CCDC39: variants seen among roughly 807,000 people sequenced by gnomAD.
The protein encoded by CCDC39 is coiled-coil domain 39 molecular ruler complex subunit, also known as coiled-coil domain-containing protein 39.
Under a neutral mutation model 121.0 loss-of-function variants are expected in CCDC39, and 113 were observed. The observed-to-expected ratio is 0.93, with a 90% CI of 0.80 to 1.09. The LOEUF is 1.09. CCDC39 is among the 50% of genes least tolerant of loss of function. The pLI, the probability that CCDC39 is intolerant of heterozygous loss-of-function variation, is 0.00. For missense variants in CCDC39, 1,063 were observed against 1,074.7 expected, an observed-to-expected ratio of 0.99 and a Z score of 0.15; for synonymous variants, 349 against 352.2, an observed-to-expected ratio of 0.99 and a Z score of 0.10.
chr3:180,677,095 T>C (rs1161148319), intron 1 of CCDC39, among the ~76,000 whole-genome samples: 1 of 143,804 alleles, frequency 7.0e-6, no homozygotes, highest in African/African-American at 2.6e-5. Flanking sequence ...TGTATACATA[T>C]GTAACAAACC....
intron 1 of CCDC39, among the ~76,000 whole-genome samples, chr3:180,665,816 C>A (rs1278755821): frequency 6.6e-6 from 1 of 150,990 alleles, no homozygotes; most frequent in Non-Finnish European, 1.5e-5. Flanking sequence ...GTATTTAATA[C>A]GGAGGATCAT....
At chr3:180,620,944 T>C (rs1717415807) in intron 14 of CCDC39, among the ~76,000 whole-genome samples, 1 of 152,088 alleles carries the variant, frequency 6.6e-6, no homozygotes, top group Non-Finnish European at 1.5e-5. Context: ...GAGTCTTCCG[T>C]GTCTATCACT....
intron 14 of CCDC39, among the ~76,000 whole-genome samples, chr3:180,620,258 T>A (rs1717397893): frequency 1.3e-5 from 2 of 151,902 alleles, no homozygotes; most frequent in African/African-American, 4.8e-5. Context: ...GCCAAAGAGT[T>A]AATCAAGTAT....
Position 180,660,559 on chromosome 3 carries a change from T to C in CCDC39, c.516+11A>G, listed in dbSNP as rs1436542350. On this transcript the variant is annotated intron_variant, in intron 4 of 19. Transcript: ENST00000476379. Reference sequence around the variant, plus strand: ...GAGAAAACCTAACAGTTACAATTTGTAATTTCTCACCCTGATTTTATTATC... The same window carrying C: ...GAGAAAACCTAACAGTTACAATTTGCAATTTCTCACCCTGATTTTATTATC... 2.6e-6 allele frequency: 4 copies of C among 1,557,668 alleles called. No homozygotes were observed. The highest frequency in any genetic ancestry group is 1.3e-5 in the African/African-American group (1 of 74,086).
intron 13 of CCDC39, among the ~76,000 whole-genome samples, chr3:180,634,541 G>A (rs138524432): frequency 1.3e-5 from 2 of 152,078 alleles, no homozygotes; most frequent in South Asian, 2.1e-4. Context: ...CACTACTAAG[G>A]TACCTTATTC....
At chr3:180,639,716 G>A (rs1717911543) in intron 13 of CCDC39, among the ~76,000 whole-genome samples, 1 of 151,874 alleles carries the variant, frequency 6.6e-6, no homozygotes, top group South Asian at 2.1e-4. Context: ...CAAAATCTCA[G>A]AAATTACTGC....
intron 14 of CCDC39, among the ~76,000 whole-genome samples, chr3:180,628,715 A>G (rs923879076): frequency 2.0e-5 from 3 of 152,194 alleles, no homozygotes; most frequent in African/African-American, 7.2e-5. Flanking sequence ...GAATAAGTGT[A>G]TGTATTTTGT....
intron 12 of CCDC39, among the ~76,000 whole-genome samples, chr3:180,643,224 G>C (rs762280804): frequency 1.2e-4 from 18 of 152,032 alleles, no homozygotes; most frequent in Non-Finnish European, 2.5e-4. Flanking sequence ...CTCCCAAAGT[G>C]CTGGGATTAC....
Position 180,651,522 on chromosome 3 carries a change from G to C in CCDC39, c.1046C>G (p.Thr349Ser), listed in dbSNP as rs1475448083. 6.6e-7 allele frequency: 1 copy of C among 1,524,002 alleles called. No individual in the cohort carries two copies. The highest frequency in any genetic ancestry group is 8.8e-7 in the Non-Finnish European group (1 of 1,138,774). 94.4% of individuals were successfully genotyped at this position (1,524,002 alleles called of 1,614,324 possible). The change falls in exon 9 of 20, where the codon ACT becomes AGT. Residue 349 changes from threonine (T) to serine (S), a missense_variant. By Grantham distance (58) the Thr-to-Ser change is moderately conservative. Transcript: ENST00000476379. Reference protein sequence around the residue: ...IHEETARLQKTKNHNEIIQTK... With the variant: ...IHEETARLQKSKNHNEIIQTK... ...TTGTATTATCTCATTATGATTTTTA[G>C]TTTTTTGTAACCTGAAGAGGGTTTA...
chr3:180,651,764 G>A lies in CCDC39; in HGVS notation c.1035-231C>T, dbSNP rs9647370. On this transcript the variant is annotated intron_variant, in intron 8 of 19. Coordinates refer to ENST00000476379, the MANE Select transcript of CCDC39 (RefSeq NM_181426.2). ...TTAATAACGTAGTAGCTGGCCAGGC[G>A]CGGTGGCTCACGCCTGTAATCCCAG... Among the ~76,000 whole-genome samples the A allele has an allele frequency of 0.23, 34,361 of 152,006 alleles. 4,165 individuals carry two copies. Among genetic ancestry groups the A allele is most frequent in the East Asian group, 0.39 (2,033 of 5,164 alleles).
At chr3:180,674,897 A>C (rs1233679577) in intron 1 of CCDC39, among the ~76,000 whole-genome samples, 1 of 151,930 alleles carries the variant, frequency 6.6e-6, no homozygotes, top group Non-Finnish European at 1.5e-5. Context: ...TTTATGGAGG[A>C]TTTTTGCATC....
Position 180,669,520 on chromosome 3 carries a change from C to T in CCDC39, c.91-5534G>A, listed in dbSNP as rs574091257. On this transcript the variant is annotated intron_variant, in intron 1 of 19. Transcript: ENST00000476379. ...GTAATTAATTCTTAATATACTTGCACATGACCAGATTCAGAGCATTTCTAT... is the reference window on the plus strand; with the variant it reads ...GTAATTAATTCTTAATATACTTGCATATGACCAGATTCAGAGCATTTCTAT... 8.6e-3 allele frequency among the ~76,000 whole-genome samples: 1,302 copies of T among 152,202 alleles called. 8 individuals are homozygous for T. Among genetic ancestry groups the T allele is most frequent in the Non-Finnish European group, 0.015 (1,014 of 67,984 alleles).
rs150370803 is a variant in CCDC39 at position 180,629,375 on chromosome 3, A to G, written c.1998+2094T>C. Among the ~76,000 whole-genome samples the G allele has an allele frequency of 7.7e-3, 1,168 of 152,318 alleles. 16 individuals carry two copies. Among genetic ancestry groups the G allele is most frequent in the African/African-American group, 0.027 (1,128 of 41,570 alleles). ...ATTCATTTACATTGTTAGCAGCAAG[A>G]TATCACTTACGTTACTATCAGTTGT... On this transcript the variant is annotated intron_variant, in intron 14 of 19. Transcript: ENST00000476379.
intron 1 of CCDC39, among the ~76,000 whole-genome samples, chr3:180,676,635 A>C (rs924928020): frequency 6.6e-6 from 1 of 152,202 alleles, no homozygotes; most frequent in Admixed American, 6.5e-5. Context: ...CAGCCATCCC[A>C]TTACTGGGTA....
chr3:180,626,553 G>A (rs1576934986), intron 14 of CCDC39, among the ~76,000 whole-genome samples: 2 of 152,164 alleles, frequency 1.3e-5, no homozygotes, highest in African/African-American at 2.4e-5. Context: ...CGTCACCAGA[G>A]TACATGGGAG....
chr3:180,651,314 C>A, intron 9 of CCDC39, 87 bp downstream of exon 9: 1 of 1,106,928 alleles, frequency 9.0e-7, no homozygotes, highest in South Asian at 1.6e-5. Context: ...CTTACAAGAC[C>A]TCCTCGTCCT....
In CCDC39 at chr3:180,663,867, C is replaced by G; in HGVS notation, c.210G>C (p.Gln70His). The change falls in exon 2 of 20, where the codon CAG becomes CAC. Residue 70 changes from glutamine (Q) to histidine (H), a missense_variant and splice_region_variant. Physicochemically the swap from Gln to His is conservative, Grantham distance 24 (BLOSUM62 0). Coordinates refer to ENST00000476379, the MANE Select transcript of CCDC39 (RefSeq NM_181426.2). Reference protein sequence around the residue: ...KNVKQELSITQSLCKARERET... With the variant: ...KNVKQELSITHSLCKARERET... Reference sequence around the variant, plus strand: ...TCAACATAAATTTCAGTTACTGTACCTGTGTAATTGAGAGCTCTTGCTTAA... The same window carrying G: ...TCAACATAAATTTCAGTTACTGTACGTGTGTAATTGAGAGCTCTTGCTTAA... The G allele has an allele frequency of 1.2e-6, 2 of 1,611,740 alleles. No individual in the cohort carries two copies. The highest frequency in any genetic ancestry group is 1.7e-6 in the Non-Finnish European group (2 of 1,179,054).
intron 14 of CCDC39, among the ~76,000 whole-genome samples, chr3:180,624,787 T>C (rs1257291009): frequency 6.6e-6 from 1 of 152,074 alleles, no homozygotes; most frequent in South Asian, 2.1e-4. Context: ...TGTTTTTTGG[T>C]TTTATTTTGT....
At chr3:180,639,367 G>C (rs573200919) in intron 13 of CCDC39, among the ~76,000 whole-genome samples, 1 of 152,190 alleles carries the variant, frequency 6.6e-6, no homozygotes, top group East Asian at 1.9e-4. Context: ...ACTATGACTG[G>C]AAGCAGCCTA....
Sources: gnomAD v4.1 joint callset for allele counts (sites outside exome capture counted in the v4.1 genomes callset) on GRCh38, gnomAD v4.1.1 for gene constraint, MANE v1.5 for transcripts, NCBI Gene and HGNC (gene_info 2026-07-23, HGNC 2026-07-21) for gene names.